The following ASS1 variants were observed in gnomAD, a reference collection of about 807,000 sequenced individuals.
The protein encoded by ASS1 is argininosuccinate synthase 1, also known as argininosuccinate synthase.
ASS1 carries 58 observed loss-of-function variants against 60.5 expected under a neutral mutation model. The ratio of observed to expected loss-of-function variants is 0.96; its 90% CI spans 0.78 to 1.19. ASS1 has a LOEUF of 1.19. Ranked by LOEUF, ASS1 falls within the 50% of genes most tolerant of loss-of-function variation. ASS1 has a pLI of 0.00. For synonymous variants in ASS1, 200 were observed against 206.9 expected (o/e 0.97, Z 0.29); for missense variants, 454 against 547.3 (o/e 0.83, Z 1.70).
intron 11 of ASS1, among the ~76,000 whole-genome samples, chr9:130,482,185 G>A (rs59803809): frequency 0.022 from 3,389 of 152,170 alleles, 87 homozygotes; most frequent in African/African-American, 0.066. Flanking sequence ...TTAGACTGGA[G>A]TTGGACAGAT....
chr9:130,488,335 G>C lies in ASS1; in HGVS notation c.839-998G>C, dbSNP rs1264650918. 3.3e-5 allele frequency among the ~76,000 whole-genome samples: 5 copies of C among 152,232 alleles called. No homozygotes were observed. Among genetic ancestry groups the C allele is most frequent in the Non-Finnish European group, 7.3e-5 (5 of 68,040 alleles). ...CTCTCGGGGTAGAATCCATGGAGAT[G>C]GGGGAGCTATGGCCCCTGCTCCACC... On this transcript the variant is annotated intron_variant, in intron 11 of 14. Transcript: ENST00000352480. This position sits in a 1 kb window ranked among gnomAD's most constrained non-coding sequence, Gnocchi z 5.2.
In ASS1 at chr9:130,479,856, G is replaced by A. The variant is rs372860012; in HGVS notation, c.773+56G>A. ...GGGAACCGCCGTCTCGGGCGAGCAC[G>A]AGCCTGGACCGTTGCAGCTAATGGT... is the stretch of plus-strand genomic sequence containing the variant. On this transcript the variant is annotated intron_variant, in intron 10 of 14. Transcript: ENST00000352480. 8.2e-5 allele frequency: 127 copies of A among 1,543,042 alleles called. No individual in the cohort carries two copies. In the African/African-American group the frequency reaches 1.2e-3, roughly 14 times the overall value.
At chr9:130,474,013 C>A (rs1845943772) in intron 8 of ASS1, among the ~76,000 whole-genome samples, 1 of 119,026 alleles carries the variant, frequency 8.4e-6, no homozygotes, top group Admixed American at 8.2e-5. Flanking sequence ...CCCTAGCCCC[C>A]ACCCCGACTC....
chr9:130,456,698 C>G (rs1243607347), intron 3 of ASS1, among the ~76,000 whole-genome samples: 1 of 152,048 alleles, frequency 6.6e-6, no homozygotes, highest in African/African-American at 2.4e-5. Context: ...GCTTGTAATC[C>G]TAGCACTTTG....
In ASS1 at chr9:130,457,054, T is replaced by C. The variant is rs117960225; in HGVS notation, c.175-1347T>C. On this transcript the variant is annotated intron_variant, in intron 3 of 14. Coordinates refer to ENST00000352480, the MANE Select transcript of ASS1 (RefSeq NM_054012.4). ...GTTAACATAAGTAACATTACACTTATGAAAAATAACTATTTTCTCAAACAA... is the reference window on the plus strand; with the variant it reads ...GTTAACATAAGTAACATTACACTTACGAAAAATAACTATTTTCTCAAACAA... Among the ~76,000 whole-genome samples, 41 of 152,360 alleles carry C rather than the reference T, an allele frequency of 2.7e-4. No homozygotes were observed. In the East Asian group the frequency reaches 6.9e-3, roughly 26 times the overall value.
Position 130,478,047 on chromosome 9 carries a change from C to T in ASS1, c.688+1086C>T, listed in dbSNP as rs926684009. Among the ~76,000 whole-genome samples the T allele has an allele frequency of 1.1e-4, 17 of 152,298 alleles. No individual in the cohort carries two copies. The highest frequency in any genetic ancestry group is 3.4e-3 in the Middle Eastern group (1 of 294). ...GGCCTTGGGTGCACTCATCAAAAAA[C>T]GGACCACAGGCATGATGCTCACAGG... On this transcript the variant is annotated intron_variant, in intron 9 of 14. Coordinates refer to ENST00000352480, the MANE Select transcript of ASS1 (RefSeq NM_054012.4). The surrounding 1 kb of genome is among the most constrained non-coding windows in gnomAD (Gnocchi z 4.7).
At chr9:130,473,112 A>G (rs1845912015) in intron 8 of ASS1, among the ~76,000 whole-genome samples, 1 of 152,158 alleles carries the variant, frequency 6.6e-6, no homozygotes, top group Admixed American at 6.5e-5. Flanking sequence ...ACTAAAGAGA[A>G]TCTGGATTAA....
chr9:130,489,396 C>T lies in ASS1; in HGVS notation c.902C>T (p.Thr301Ile). ...GCTCATTTAGACATCGAGGCCTTCA[C>T]CATGGACCGGGAAGTGCGCAAAATC... Reference protein sequence around the residue: ...YHAHLDIEAFTMDREVRKIKQ... With the variant: ...YHAHLDIEAFIMDREVRKIKQ... Residue 301 changes from threonine (T) to isoleucine (I), a missense_variant, in exon 12 of 15, where the codon ACC (threonine) becomes ATC (isoleucine). Physicochemically the swap from Thr to Ile is moderately conservative, Grantham distance 89. Coordinates refer to ENST00000352480, the MANE Select transcript of ASS1 (RefSeq NM_054012.4). The surrounding 1 kb of genome is among the most constrained non-coding windows in gnomAD (Gnocchi z 4.1). 1 of 1,614,108 alleles carries T rather than the reference C, an allele frequency of 6.2e-7. No homozygotes were observed. The highest frequency in any genetic ancestry group is 8.5e-7 in the Non-Finnish European group (1 of 1,180,038).
rs1564155144 is a variant in ASS1 at position 130,478,512 on chromosome 9, A to G, written c.689-1204A>G. On this transcript the variant is annotated intron_variant, in intron 9 of 14. Transcript: ENST00000352480. The surrounding 1 kb of genome is among the most constrained non-coding windows in gnomAD (Gnocchi z 4.7). The stretch of plus-strand genomic sequence containing the variant: ...TGGGGACTGTCTGGAAGAAGAAAAA[A>G]AGACCGGAGGAACCCTCCCCTGGCT... Among the ~76,000 whole-genome samples the G allele has an allele frequency of 6.6e-6, 1 of 152,234 alleles. No homozygotes were observed. The highest frequency in any genetic ancestry group is 1.5e-5 in the Non-Finnish European group (1 of 68,046).
chr9:130,481,268 G>A (rs938806350), intron 11 of ASS1, among the ~76,000 whole-genome samples: 1 of 152,172 alleles, frequency 6.6e-6, no homozygotes, highest in East Asian at 1.9e-4. Context: ...ATAAAGCCAT[G>A]CTGTGTTCTT....
rs990622870 is a variant in ASS1, at chr9:130,470,304, G to A, written c.496-530G>A. ...GCTGGGTGTTCCCCTTCTAGGGTCT[G>A]CAGAGTGATGTGTGTGGCTGTTGCG... On this transcript the variant is annotated intron_variant, in intron 6 of 14. Transcript: ENST00000352480. The surrounding 1 kb of genome is among the most constrained non-coding windows in gnomAD (Gnocchi z 4.3). Among the ~76,000 whole-genome samples, 3 of 152,212 alleles carry A rather than the reference G, an allele frequency of 2.0e-5. No homozygotes were observed. Among genetic ancestry groups the A allele is most frequent in the Non-Finnish European group, 2.9e-5 (2 of 68,030 alleles).
chr9:130,466,348 C>G lies in ASS1; in HGVS notation c.421-377C>G, dbSNP rs558202443. ...CGTGGGGCCAGGCCAGCAGCGGCAG[C>G]TCTGTGGACTCTCCCTGGGTCACGG... On this transcript the variant is annotated intron_variant, in intron 5 of 14. Transcript: ENST00000352480. 4 of 321,354 alleles carry G rather than the reference C, an allele frequency of 1.2e-5. No homozygotes were observed. The South Asian group carries it at 1.3e-4, about 10-fold the overall frequency. The allele number at this position is 321,354 out of a possible 1,614,324, so 19.9% of individuals were successfully genotyped here.
intron 14 of ASS1, 104 bp from the exon 15 acceptor site, chr9:130,500,869 TAAC>T (rs1846737750): frequency 8.0e-7 from 1 of 1,253,214 alleles, no homozygotes; most frequent in East Asian, 2.4e-5. Flanking sequence ...ACACACATCT[TAAC>T]AAACAGCTGC....
upstream of ASS1, among the ~76,000 whole-genome samples, chr9:130,444,735 G>C (rs960848918): frequency 6.6e-6 from 1 of 151,904 alleles, no homozygotes; most frequent in Non-Finnish European, 1.5e-5. The surrounding 1 kb of genome is among the most constrained non-coding windows in gnomAD (Gnocchi z 4.7). Flanking sequence ...GGGTGAGCCG[G>C]CGCCGGGCCC....
rs889013036 is a variant in ASS1, at chr9:130,488,720, G to A, written c.839-613G>A. On this transcript the variant is annotated intron_variant, in intron 11 of 14. Coordinates refer to ENST00000352480, the MANE Select transcript of ASS1 (RefSeq NM_054012.4). This position sits in a 1 kb window ranked among gnomAD's most constrained non-coding sequence, Gnocchi z 5.2. ...AGACAGCACTGGTGAGGGACTCGGG[G>A]GCCTACATTCAGTTCCCAGCTCCAC... is the stretch of plus-strand genomic sequence containing the variant. Among the ~76,000 whole-genome samples, 8 of 152,184 alleles carry A rather than the reference G, an allele frequency of 5.3e-5. No homozygotes were observed. The highest frequency in any genetic ancestry group is 1.0e-4 in the Non-Finnish European group (7 of 68,030).
chr9:130,464,506 G>A (rs1012983153), intron 5 of ASS1, among the ~76,000 whole-genome samples: 1 of 152,066 alleles, frequency 6.6e-6, no homozygotes, highest in Non-Finnish European at 1.5e-5. Flanking sequence ...GATGGCTCTG[G>A]CACCCCAGGT....
At chr9:130,496,947 A>G (rs1298604566) in intron 13 of ASS1, among the ~76,000 whole-genome samples, 1 of 152,186 alleles carries the variant, frequency 6.6e-6, no homozygotes, top group Non-Finnish European at 1.5e-5. Context: ...TTAAAGTACG[A>G]GTCTTGTTTG....
At chr9:130,464,189 T>C in intron 5 of ASS1, 22 bp downstream of exon 5, 2 of 1,612,472 alleles carry the variant, frequency 1.2e-6, no homozygotes, top group Non-Finnish European at 1.7e-6. Context: ...CTCCTCCCCT[T>C]AGCAGGGAGC....
In ASS1 at chr9:130,466,807, C is replaced by T. The variant is rs762250168; in HGVS notation, c.495+8C>T. On this transcript the variant is annotated splice_region_variant and intron_variant, in intron 6 of 14. Transcript: ENST00000352480. ...CTGATGGAGTACGCAAAGGTATGGC[C>T]GAGTCTCCCCACCACCCCCAACCTT... The T allele has an allele frequency of 3.3e-5, 53 of 1,613,722 alleles. No homozygotes were observed. The East Asian group carries it at 4.7e-4, about 14-fold the overall frequency.
Sources: allele counts gnomAD v4.1 joint callset (sites outside exome capture counted in the v4.1 genomes callset), GRCh38; gene constraint gnomAD v4.1.1; non-coding constraint Gnocchi (gnomAD v3.1); transcripts MANE v1.5; gene names NCBI Gene and HGNC (gene_info 2026-07-23, HGNC 2026-07-21).